Variants in FRMPD1 observed in about 807,000 individuals in gnomAD.
FRMPD1 encodes FERM and PDZ domain containing 1.
A neutral mutation model predicts 117.8 loss-of-function variants in FRMPD1; 76 were observed. The ratio of observed to expected loss-of-function variants is 0.65; its 90% CI spans 0.54 to 0.78. The LOEUF is 0.78. Ranked by LOEUF, FRMPD1 falls within the 30% of genes least tolerant of loss-of-function variation. The pLI is 0.00. For synonymous variants in FRMPD1, 783 were observed against 770.4 expected, an observed-to-expected ratio of 1.02 and a Z score of -0.27; for missense variants, 1,786 against 1,964.5, an observed-to-expected ratio of 0.91 and a Z score of 1.72.
At chr9:37,726,467 G>T (rs1823621376) in intron 7 of FRMPD1, among the ~76,000 whole-genome samples, 1 of 152,190 alleles carries the variant, frequency 6.6e-6, no homozygotes, top group African/African-American at 2.4e-5. Context: ...GGAGGCCGAA[G>T]TGGGTGGATC....
intron 7 of FRMPD1, 95 bp downstream of exon 7, chr9:37,724,415 T>A (rs760203623): frequency 4.4e-5 from 29 of 661,488 alleles, no homozygotes; most frequent in Non-Finnish European, 7.2e-5. Context: ...CTTGGTGGTC[T>A]CACAAACACC....
intron 4 of FRMPD1, among the ~76,000 whole-genome samples, chr9:37,710,951 CTG>C (rs781416982): frequency 1.6e-5 from 2 of 124,936 alleles, no homozygotes; most frequent in Non-Finnish European, 3.3e-5. Flanking sequence ...GGGCAAGACT[CTG>C]TCTCACAAAA....
intron 10 of FRMPD1, among the ~76,000 whole-genome samples, chr9:37,732,695 A>C (rs1423450586): frequency 6.6e-6 from 1 of 152,236 alleles, no homozygotes; most frequent in Middle Eastern, 3.2e-3. Context: ...GTTCCTGGGA[A>C]GATGTCTTGG....
intron 15 of FRMPD1, 71 bp from the exon 16 acceptor site, chr9:37,744,318 G>T (rs1824571051): frequency 4.2e-6 from 5 of 1,180,826 alleles, no homozygotes; most frequent in African/African-American, 1.5e-5. Context: ...AAAGCCCAAG[G>T]CCTGAGCCCA....
the FRMPD1 span, among the ~76,000 whole-genome samples, chr9:37,621,637 T>C: frequency 2.6e-5 from 4 of 152,176 alleles, no homozygotes; most frequent in African/African-American, 9.7e-5. Context: ...GCTAATGCTT[T>C]GGCTGTGGAA....
At chr9:37,685,379 C>CA (rs1374686361) in intron 1 of FRMPD1, among the ~76,000 whole-genome samples, 2 of 152,004 alleles carry the variant, frequency 1.3e-5, no homozygotes, top group Non-Finnish European at 2.9e-5. Flanking sequence ...CGCAGTGGCT[C>CA]ACGCCTGTAA....
At chr9:37,673,610 G>A (rs1249691500) in intron 1 of FRMPD1, among the ~76,000 whole-genome samples, 16 of 152,242 alleles carry the variant, frequency 1.1e-4, no homozygotes, top group Admixed American at 1.0e-3. Context: ...TACCCTAGCA[G>A]AAGTTCTCCA....
chr9:37,707,808 G>A (rs1588945850), intron 3 of FRMPD1, among the ~76,000 whole-genome samples: 2 of 152,250 alleles, frequency 1.3e-5, no homozygotes, highest in African/African-American at 2.4e-5. Flanking sequence ...TGGCTAGGGC[G>A]TTGCCCACCC....
Position 37,733,516 on chromosome 9 carries a change from C to T in FRMPD1, c.1039C>T (p.Arg347Ter), listed in dbSNP as rs756473213. 17 of 1,613,398 alleles carry T rather than the reference C, an allele frequency of 1.1e-5. No individual in the cohort carries two copies. Among genetic ancestry groups the T allele is most frequent in the South Asian group, 5.5e-5 (5 of 91,040 alleles). ...GAACTTTATATCTCCAACTTTACTC[C>T]GAAACATGAAAGGCAAAGACATCAA... is the stretch of plus-strand genomic sequence containing the variant. The part of the protein sequence containing the change: ...IENFISPTLL[R>*]NMKGKDIKKA... The change falls in exon 11 of 16, where the codon CGA (arginine) becomes TGA (stop). Residue 347 changes from arginine (R) to a stop codon, truncating the protein, a stop_gained. Coordinates refer to ENST00000377765, the MANE Select transcript of FRMPD1 (RefSeq NM_014907.3). LOFTEE classifies it high-confidence loss of function.
chr9:37,615,365 C>G, the FRMPD1 span, among the ~76,000 whole-genome samples: 3 of 152,144 alleles, frequency 2.0e-5, no homozygotes, highest in African/African-American at 7.2e-5. Flanking sequence ...CCCACCTCGG[C>G]CTCTGAAAGT....
intron 1 of FRMPD1, among the ~76,000 whole-genome samples, chr9:37,676,442 A>G (rs532830254): frequency 6.6e-6 from 1 of 152,152 alleles, no homozygotes; most frequent in Non-Finnish European, 1.5e-5. Flanking sequence ...AGAATGCTTA[A>G]TTAGGGCTGA....
intron 2 of FRMPD1, among the ~76,000 whole-genome samples, chr9:37,701,490 C>T (rs199536735): frequency 1.8e-3 from 117 of 65,030 alleles, no homozygotes; most frequent in Middle Eastern, 0.01. Flanking sequence ...TGTGTGTGTG[C>T]GCGCGTGTGT....
intron 1 of FRMPD1, chr9:37,668,483 T>A (rs1437950029): frequency 6.6e-6 from 1 of 152,270 alleles, no homozygotes; most frequent in African/African-American, 2.4e-5. Flanking sequence ...TAAAAATAGC[T>A]GTGTGCTGGG....
rs532486468 is a variant in FRMPD1 at position 37,746,521 on chromosome 9, C to T, written c.4489C>T (p.Leu1497=). Residue 1497 remains leucine, a synonymous_variant, in exon 16 of 16, where the codon CTG becomes TTG. Transcript: ENST00000377765. ...QGAVRDTFQH[L]VQLAGLCFQF... is the part of the protein sequence containing the mutation. ...GGCCGTGCGTGACACCTTCCAGCAC[C>T]TGGTCCAGCTGGCCGGCCTGTGCTT... 16 of 1,613,680 alleles carry T rather than the reference C, an allele frequency of 9.9e-6. No individual in the cohort carries two copies. The African/African-American group carries it at 1.6e-4, about 16-fold the overall frequency.
the FRMPD1 span, among the ~76,000 whole-genome samples, chr9:37,619,828 G>A: frequency 6.6e-6 from 1 of 151,626 alleles, no homozygotes; most frequent in African/African-American, 2.4e-5. Context: ...CTGCCGTATA[G>A]TCTTGGTGGA....
In FRMPD1 at chr9:37,744,807, C is replaced by A. The variant is rs142763511; in HGVS notation, c.2775C>A (p.Pro925=). The part of the protein sequence containing the change: ...NPASRVMEME[P]ETMETKSVID... Reference sequence around the variant, plus strand: ...CCTCCAGGGTCATGGAGATGGAGCCCGAGACCATGGAAACCAAATCAGTCA... The same window carrying A: ...CCTCCAGGGTCATGGAGATGGAGCCAGAGACCATGGAAACCAAATCAGTCA... Residue 925 remains proline, a synonymous_variant, in exon 16 of 16, where the codon CCC becomes CCA. Transcript: ENST00000377765. 6.2e-7 allele frequency: 1 copy of A among 1,614,032 alleles called. No homozygotes were observed. Among genetic ancestry groups the A allele is most frequent in the African/African-American group, 1.3e-5 (1 of 74,922 alleles).
intron 1 of FRMPD1, among the ~76,000 whole-genome samples, chr9:37,690,034 T>G (rs1822078634): frequency 6.6e-6 from 1 of 152,150 alleles, no homozygotes; most frequent in Non-Finnish European, 1.5e-5. Context: ...ATATTCTTAA[T>G]TTGAAAATTT....
chr9:37,654,087 C>G (rs1021298282), intron 1 of FRMPD1, among the ~76,000 whole-genome samples: 3 of 152,214 alleles, frequency 2.0e-5, no homozygotes, highest in Admixed American at 6.5e-5. Context: ...AACACCTGCT[C>G]TCTGCCAGAA....
chr9:37,613,576 T>G, the FRMPD1 span, among the ~76,000 whole-genome samples: 1 of 152,156 alleles, frequency 6.6e-6, no homozygotes, highest in Non-Finnish European at 1.5e-5. Context: ...CGGAAAAATA[T>G]TTTAAAATTT....
Sources: gnomAD v4.1 joint callset for allele counts (sites outside exome capture counted in the v4.1 genomes callset) on GRCh38, gnomAD v4.1.1 for gene constraint, MANE v1.5 for transcripts, NCBI Gene and HGNC (gene_info 2026-07-23, HGNC 2026-07-21) for gene names.